The following NVL variants were observed in gnomAD, a reference collection of about 807,000 sequenced individuals.
NVL encodes the protein nuclear valosin-containing protein-like.
In NVL, 84 loss-of-function variants were observed where a neutral mutation model predicts 110.2. That is an observed-to-expected ratio of 0.76 (90% CI 0.64 to 0.91). The LOEUF is 0.91. NVL is among the 40% of genes least tolerant of loss of function. The pLI, the probability that NVL is intolerant of heterozygous loss-of-function variation, is 0.00. For synonymous variants in NVL, 354 were observed against 361.1 expected (o/e 0.98, Z 0.22); for missense variants, 882 against 1,035.9 (o/e 0.85, Z 2.04).
intron 16 of NVL, among the ~76,000 whole-genome samples, chr1:224,279,162 GA>G (rs921378601): frequency 3.3e-5 from 5 of 151,312 alleles, no homozygotes; most frequent in African/African-American, 7.3e-5. Flanking sequence ...AAATTCATCA[GA>G]AAAAAAACTG....
intron 11 of NVL, among the ~76,000 whole-genome samples, chr1:224,295,677 G>A (rs909273967): frequency 4.7e-5 from 7 of 150,186 alleles, no homozygotes; most frequent in East Asian, 2.0e-4. Context: ...TAGTGAGACC[G>A]TCTTTAAAAA....
intron 17 of NVL, among the ~76,000 whole-genome samples, chr1:224,268,469 C>T (rs564303721): frequency 9.2e-5 from 14 of 152,218 alleles, no homozygotes; most frequent in Admixed American, 8.5e-4. Context: ...CTAACCGTCA[C>T]AATACACTTC....
intron 19 of NVL, among the ~76,000 whole-genome samples, chr1:224,239,083 T>A (rs1660861982): frequency 6.6e-6 from 1 of 152,186 alleles, no homozygotes; most frequent in Admixed American, 6.6e-5. Flanking sequence ...GGAGACTTTG[T>A]AACAATTCAT....
At chr1:224,291,482 T>C (rs1244294209) in intron 12 of NVL, among the ~76,000 whole-genome samples, 1 of 152,192 alleles carries the variant, frequency 6.6e-6, no homozygotes, top group Non-Finnish European at 1.5e-5. Flanking sequence ...TAATAAAGAA[T>C]AAATTATAGA....
At chr1:224,254,144 T>C (rs891246037) in intron 18 of NVL, among the ~76,000 whole-genome samples, 2 of 152,108 alleles carry the variant, frequency 1.3e-5, no homozygotes, top group Non-Finnish European at 2.9e-5. Flanking sequence ...CAGGCTGGAG[T>C]GCAGTGGCAT....
intron 18 of NVL, among the ~76,000 whole-genome samples, chr1:224,267,786 G>A (rs1340079311): frequency 6.6e-6 from 1 of 151,678 alleles, no homozygotes; most frequent in Non-Finnish European, 1.5e-5. Flanking sequence ...GATCCAAGCA[G>A]TAATACTATA....
chr1:224,276,867 A>C (rs1665809014), intron 16 of NVL, among the ~76,000 whole-genome samples: 1 of 152,110 alleles, frequency 6.6e-6, no homozygotes, highest in African/African-American at 2.4e-5. Context: ...GTTAAATATC[A>C]GCAATTGTAT....
intron 2 of NVL, among the ~76,000 whole-genome samples, chr1:224,319,071 C>T (rs1249515025): frequency 7.1e-6 from 1 of 140,968 alleles, no homozygotes; most frequent in Admixed American, 7.4e-5. Flanking sequence ...AGGAGAATCC[C>T]ATGAACCCAG....
intron 20 of NVL, among the ~76,000 whole-genome samples, chr1:224,235,257 C>T (rs1331631308): frequency 2.6e-5 from 4 of 152,254 alleles, no homozygotes; most frequent in East Asian, 1.9e-4. Context: ...AACCTCCACC[C>T]GCTGGGTTCA....
intron 10 of NVL, among the ~76,000 whole-genome samples, chr1:224,297,450 T>C (rs907120747): frequency 5.9e-5 from 9 of 151,736 alleles, no homozygotes; most frequent in Non-Finnish European, 1.0e-4. Flanking sequence ...AAAAGTAGAA[T>C]GGTGGTGATG....
At chr1:224,236,778 G>A (rs1660535491) in intron 19 of NVL, 196 bp from the exon 20 acceptor site, 10 of 464,054 alleles carry the variant, frequency 2.2e-5, no homozygotes, top group South Asian at 1.4e-4. Flanking sequence ...GGGCGTTATG[G>A]TATGCACCTG....
intron 13 of NVL, 96 bp downstream of exon 13, chr1:224,289,388 A>C: frequency 7.7e-7 from 1 of 1,296,332 alleles, no homozygotes; most frequent in Non-Finnish European, 1.1e-6. Context: ...AATAAAACAG[A>C]AAGTAATGAA....
At chr1:224,228,225 T>C (rs1659406696) in intron 22 of NVL, among the ~76,000 whole-genome samples, 1 of 151,974 alleles carries the variant, frequency 6.6e-6, no homozygotes. Flanking sequence ...AGGTCAAGAG[T>C]CTTATGTCTA....
At chr1:224,263,781 T>C (rs566115469) in intron 18 of NVL, among the ~76,000 whole-genome samples, 2 of 152,336 alleles carry the variant, frequency 1.3e-5, no homozygotes, top group East Asian at 3.9e-4. Context: ...GTTTATAGAC[T>C]GCTTCTTAAA....
intron 5 of NVL, among the ~76,000 whole-genome samples, chr1:224,311,574 G>A (rs1669528833): frequency 6.6e-6 from 1 of 151,572 alleles, no homozygotes; most frequent in African/African-American, 2.4e-5. Flanking sequence ...TCACCATGTT[G>A]GCCAGACTTA....
chr1:224,240,061 ATTTTTTT>A (rs34586586), intron 19 of NVL, among the ~76,000 whole-genome samples: 1 of 90,932 alleles, frequency 1.1e-5, no homozygotes, highest in Admixed American at 1.5e-4. Flanking sequence ...ACGCTGGGTA[ATTTTTTT>A]TTTTTTTTTT....
intron 4 of NVL, among the ~76,000 whole-genome samples, chr1:224,316,234 C>T (rs1362966655): frequency 6.6e-6 from 1 of 152,016 alleles, no homozygotes; most frequent in African/African-American, 2.4e-5. Flanking sequence ...TCCATACATA[C>T]TTATCAATAA....
intron 10 of NVL, among the ~76,000 whole-genome samples, chr1:224,299,086 C>A (rs187597005): frequency 9.9e-5 from 15 of 152,128 alleles, no homozygotes; most frequent in African/African-American, 3.6e-4. Context: ...CTGTCAGCGT[C>A]GCTTAAGGCA....
intron 22 of NVL, among the ~76,000 whole-genome samples, chr1:224,230,901 A>G (rs937021933): frequency 2.0e-5 from 3 of 152,162 alleles, no homozygotes; most frequent in African/African-American, 7.2e-5. Context: ...TGGGAGGCAG[A>G]GACGGGCGGA....
Sources: allele counts gnomAD v4.1 joint callset (sites outside exome capture counted in the v4.1 genomes callset), GRCh38; gene constraint gnomAD v4.1.1; transcripts MANE v1.5; gene names NCBI Gene and HGNC (gene_info 2026-07-23, HGNC 2026-07-21).